GRID2: variants seen among roughly 807,000 people sequenced by gnomAD.
GRID2 encodes glutamate receptor ionotropic, delta-2.
GRID2 carries 33 observed loss-of-function variants against 114.8 expected under a neutral mutation model. The observed-to-expected ratio is 0.29, with a 90% confidence interval of 0.22 to 0.38. The LOEUF (loss-of-function observed/expected upper bound fraction) is 0.38, where lower values mean the gene tolerates loss of function less well. Among genes scored for constraint, GRID2 ranks in the 10% least tolerant of loss-of-function variants. GRID2 has a pLI of 1.00. For missense variants in GRID2, 1,184 were observed against 1,257.7 expected, an observed-to-expected ratio of 0.94 and a Z score of 0.89; for synonymous variants, 505 against 449.9, an observed-to-expected ratio of 1.12 and a Z score of -1.55.
intron 2 of GRID2, among the ~76,000 whole-genome samples, chr4:93,014,904 T>G (rs1722530477): frequency 6.6e-6 from 1 of 152,152 alleles, no homozygotes; most frequent in African/African-American, 2.4e-5. Context: ...CCATATCTAT[T>G]TAATACAAAA....
chr4:92,385,287 A>G (rs1480185713), intron 1 of GRID2, among the ~76,000 whole-genome samples: 1 of 151,754 alleles, frequency 6.6e-6, no homozygotes, highest in East Asian at 1.9e-4. Context: ...ATATGACTGA[A>G]TTGATGCTGA....
At chr4:93,568,938 C>T (rs908445154) in intron 13 of GRID2, among the ~76,000 whole-genome samples, 13 of 152,128 alleles carry the variant, frequency 8.5e-5, no homozygotes, top group African/African-American at 2.9e-4. Flanking sequence ...CCACCTCAAC[C>T]CTGCGCAAGA....
At chr4:92,370,176 T>C (rs1302138711) in intron 1 of GRID2, among the ~76,000 whole-genome samples, 2 of 152,184 alleles carry the variant, frequency 1.3e-5, no homozygotes, top group African/African-American at 2.4e-5. Flanking sequence ...GTTATGGTGA[T>C]CTGTGATCAG....
chr4:93,286,715 G>GTA (rs1486014799), intron 8 of GRID2, among the ~76,000 whole-genome samples: 10 of 149,900 alleles, frequency 6.7e-5, no homozygotes, highest in African/African-American at 2.5e-4. Context: ...GTGTGTGTGT[G>GTA]TGTGTATGTT....
chr4:93,325,669 G>A (rs1013394744), intron 8 of GRID2, among the ~76,000 whole-genome samples: 1 of 151,416 alleles, frequency 6.6e-6, no homozygotes, highest in Admixed American at 6.6e-5. Context: ...AATTTTGATA[G>A]TATACTATTT....
intron 8 of GRID2, among the ~76,000 whole-genome samples, chr4:93,335,491 T>C (rs866502282): frequency 3.9e-4 from 59 of 152,282 alleles, no homozygotes; most frequent in African/African-American, 1.4e-3. Flanking sequence ...TGTTTTATAT[T>C]GTCTTAAGCA....
At chr4:93,317,713 C>A (rs1023791319) in intron 8 of GRID2, among the ~76,000 whole-genome samples, 1 of 151,620 alleles carries the variant, frequency 6.6e-6, no homozygotes, top group Admixed American at 6.6e-5. Flanking sequence ...ATTTTCTTTG[C>A]GAGTGAGCAG....
chr4:93,129,273 T>G (rs186823891), intron 4 of GRID2, among the ~76,000 whole-genome samples: 1 of 152,336 alleles, frequency 6.6e-6, no homozygotes. Flanking sequence ...ATGTTTGTTG[T>G]TGAAAATAAT....
At chr4:92,399,855 G>T (rs1006963734) in intron 1 of GRID2, among the ~76,000 whole-genome samples, 1 of 151,922 alleles carries the variant, frequency 6.6e-6, no homozygotes, top group Non-Finnish European at 1.5e-5. Flanking sequence ...TAAATACATA[G>T]TTACAGATGT....
intron 1 of GRID2, among the ~76,000 whole-genome samples, chr4:92,553,852 A>G (rs1726719249): frequency 6.6e-6 from 1 of 152,038 alleles, no homozygotes; most frequent in Non-Finnish European, 1.5e-5. Context: ...GGCTTTTGCC[A>G]CGTTAGCCAG....
At chr4:92,854,463 A>G (rs945539018) in intron 2 of GRID2, among the ~76,000 whole-genome samples, 4 of 151,964 alleles carry the variant, frequency 2.6e-5, no homozygotes, top group African/African-American at 9.7e-5. Flanking sequence ...ATATTCTTAT[A>G]CCACAATGAG....
At chr4:92,578,180 C>T (rs1727998355) in intron 1 of GRID2, among the ~76,000 whole-genome samples, 1 of 149,062 alleles carries the variant, frequency 6.7e-6, no homozygotes, top group South Asian at 2.2e-4. Context: ...AGGTTAGTTA[C>T]ATATGTATAC....
At chr4:92,895,486 A>G (rs1336011689) in intron 2 of GRID2, among the ~76,000 whole-genome samples, 1 of 150,746 alleles carries the variant, frequency 6.6e-6, no homozygotes, top group African/African-American at 2.5e-5. Flanking sequence ...TTATTTAGAG[A>G]GAATCAAAGG....
Position 92,480,736 on chromosome 4 carries a change from G to A in GRID2, c.89-109395G>A, listed in dbSNP as rs184017677. On this transcript the variant is annotated intron_variant, in intron 1 of 15. Transcript: ENST00000282020. The stretch of plus-strand genomic sequence containing the variant: ...GCATCTGCAAGTACTCTTTTTCTAA[G>A]TAACGTAACATTCATAGGTTACAGA... 7.2e-5 allele frequency among the ~76,000 whole-genome samples: 11 copies of A among 152,238 alleles called. No homozygotes were observed. In the East Asian group the frequency reaches 1.9e-3, roughly 27 times the overall value.
At chr4:93,368,583 T>C (rs994510383) in intron 8 of GRID2, among the ~76,000 whole-genome samples, 1 of 152,144 alleles carries the variant, frequency 6.6e-6, no homozygotes, top group African/African-American at 2.4e-5. Context: ...GGCCCCGGTG[T>C]GTGATGTTCC....
At chr4:93,405,545 C>T (rs910339969) in intron 9 of GRID2, among the ~76,000 whole-genome samples, 2 of 152,060 alleles carry the variant, frequency 1.3e-5, no homozygotes, top group African/African-American at 4.8e-5. Context: ...AAAAACAGAT[C>T]TACTACTTGT....
intron 2 of GRID2, among the ~76,000 whole-genome samples, chr4:92,963,709 TCA>T (rs1752962493): frequency 6.6e-6 from 1 of 152,026 alleles, no homozygotes; most frequent in African/African-American, 2.4e-5. Context: ...CTCCCATGAA[TCA>T]CAAATGTTCT....
intron 2 of GRID2, among the ~76,000 whole-genome samples, chr4:92,933,772 A>G (rs1464332419): frequency 6.6e-6 from 1 of 151,432 alleles, no homozygotes; most frequent in Non-Finnish European, 1.5e-5. Flanking sequence ...TAAAATGAAA[A>G]ATTTTTCTTT....
chr4:93,676,411 A>G (rs1173586484), intron 14 of GRID2, among the ~76,000 whole-genome samples: 2 of 152,236 alleles, frequency 1.3e-5, no homozygotes, highest in African/African-American at 2.4e-5. Context: ...AGCATAGCTT[A>G]GATAATTTAA....
Sources: gnomAD v4.1 joint callset for allele counts (sites outside exome capture counted in the v4.1 genomes callset) on GRCh38, gnomAD v4.1.1 for gene constraint, MANE v1.5 for transcripts, NCBI Gene and HGNC (gene_info 2026-07-23, HGNC 2026-07-21) for gene names.